Variants in PDE4D observed in about 807,000 individuals in gnomAD.
The protein encoded by PDE4D is phosphodiesterase 4D.
PDE4D carries 24 observed loss-of-function variants against 87.4 expected under a neutral mutation model. That is an observed-to-expected ratio of 0.27 (90% CI 0.20 to 0.39). PDE4D has a LOEUF of 0.39. PDE4D is among the 10% of genes least tolerant of loss of function. The probability of loss-of-function intolerance (pLI) is 1.00; values close to 1 mark genes in which losing one functional copy is unlikely to be tolerated. For missense variants in PDE4D, 714 were observed against 1,041.0 expected (o/e 0.69, Z 4.32); for synonymous variants, 384 against 383.2 (o/e 1.00, Z -0.02).
intron 1 of PDE4D, among the ~76,000 whole-genome samples, chr5:59,808,063 C>G (rs930376362): frequency 6.6e-6 from 1 of 152,158 alleles, no homozygotes; most frequent in Non-Finnish European, 1.5e-5. Context: ...AACAAAGTAG[C>G]GTTGAATAAC....
chr5:59,809,523 T>G (rs1768105718), intron 1 of PDE4D, among the ~76,000 whole-genome samples: 1 of 152,194 alleles, frequency 6.6e-6, no homozygotes, highest in African/African-American at 2.4e-5. Context: ...GTACCAAATT[T>G]ACCCTGGGTA....
At chr5:60,469,371 G>A (rs1371103306) in intron 1 of PDE4D, among the ~76,000 whole-genome samples, 4 of 151,962 alleles carry the variant, frequency 2.6e-5, no homozygotes, top group African/African-American at 7.2e-5. Context: ...TACCCCATAG[G>A]CAACATTCTC....
chr5:60,306,188 C>T (rs368678732), intron 1 of PDE4D, among the ~76,000 whole-genome samples: 8 of 151,832 alleles, frequency 5.3e-5, no homozygotes, highest in African/African-American at 1.2e-4. Flanking sequence ...AAAATAAAAA[C>T]GCAAAGGTAA....
At chr5:59,205,680 A>ACC (rs1748612290) in intron 2 of PDE4D, among the ~76,000 whole-genome samples, 1 of 151,420 alleles carries the variant, frequency 6.6e-6, no homozygotes, top group Non-Finnish European at 1.5e-5. Flanking sequence ...ACACACACAC[A>ACC]CACACACACA....
At chr5:59,220,495 T>G (rs1403357965) in intron 1 of PDE4D, among the ~76,000 whole-genome samples, 4 of 151,690 alleles carry the variant, frequency 2.6e-5, no homozygotes, top group African/African-American at 9.7e-5. Context: ...ATTAAATACT[T>G]CAAATATTAG....
At chr5:59,932,657 A>T (rs900310631) in intron 3 of PDE4D, among the ~76,000 whole-genome samples, 15 of 152,268 alleles carry the variant, frequency 9.9e-5, no homozygotes, top group Middle Eastern at 6.8e-3. Context: ...GTGATAAATG[A>T]TTTTATTTCT....
intron 1 of PDE4D, among the ~76,000 whole-genome samples, chr5:59,551,198 C>A (rs75336926): frequency 0.012 from 1,725 of 149,590 alleles, 31 homozygotes; most frequent in African/African-American, 0.039. Context: ...AATATCCTCC[C>A]TATGTTGAAA....
In PDE4D at chr5:59,433,554, A is replaced by G. The variant is rs183673695; in HGVS notation, c.456-217586T>C. On this transcript the variant is annotated intron_variant, in intron 1 of 14. Coordinates refer to ENST00000340635, the MANE Select transcript of PDE4D (RefSeq NM_001104631.2). ...TTGGGGACTTGATCTTTAGGAAAAT[A>G]AGAACACATTGGAGAGTTTAATTTC... Among the ~76,000 whole-genome samples, 267 of 152,192 alleles carry G rather than the reference A, an allele frequency of 1.8e-3. 1 individual carries two copies. The highest frequency in any genetic ancestry group is 4.9e-3 in the African/African-American group (202 of 41,548).
chr5:59,345,557 A>C (rs1779481241), intron 1 of PDE4D, among the ~76,000 whole-genome samples: 2 of 152,216 alleles, frequency 1.3e-5, no homozygotes, highest in African/African-American at 4.8e-5. Flanking sequence ...GAGGAGAAAC[A>C]GACAGAGTGT....
Position 59,013,626 on chromosome 5 carries a change from C to T in PDE4D, c.922-20161G>A, listed in dbSNP as rs7717793. On this transcript the variant is annotated intron_variant, in intron 6 of 14. Coordinates refer to ENST00000340635, the MANE Select transcript of PDE4D (RefSeq NM_001104631.2). ...GTTGAATCCCTGAATAGACCAATAACAGGTTCTGAAATTAAGGCAATAATT... is the reference window on the plus strand; with the variant it reads ...GTTGAATCCCTGAATAGACCAATAATAGGTTCTGAAATTAAGGCAATAATT... Among the ~76,000 whole-genome samples, 1,242 of 152,252 alleles carry T rather than the reference C, an allele frequency of 8.2e-3. 18 individuals are homozygous for T. Among genetic ancestry groups the T allele is most frequent in the African/African-American group, 0.029 (1,186 of 41,524 alleles).
At chr5:59,248,427 A>T (rs1328913682) in intron 1 of PDE4D, among the ~76,000 whole-genome samples, 3 of 151,746 alleles carry the variant, frequency 2.0e-5, no homozygotes, top group Non-Finnish European at 4.4e-5. Flanking sequence ...ACCCAGTCCC[A>T]TCAGCCTCTG....
chr5:59,024,891 A>G (rs1755918953), intron 6 of PDE4D, among the ~76,000 whole-genome samples: 2 of 152,206 alleles, frequency 1.3e-5, no homozygotes, highest in African/African-American at 4.8e-5. Flanking sequence ...TTATCACAGC[A>G]TACTGTTGAA....
chr5:59,505,705 T>A lies in PDE4D; in HGVS notation c.456-289737A>T, dbSNP rs185247170. ...GATAGAATTTCAACTCAGACTTACC[T>A]CATATTCAATGTCTATATTCTAATG... On this transcript the variant is annotated intron_variant, in intron 1 of 14. Transcript: ENST00000340635. Among the ~76,000 whole-genome samples, 174 of 152,316 alleles carry A rather than the reference T, an allele frequency of 1.1e-3. 2 individuals carry two copies. The highest frequency in any genetic ancestry group is 4.0e-3 in the African/African-American group (167 of 41,588).
rs536242006 is a variant in PDE4D, at chr5:59,522,686, AT to A, written c.456-306719del. On this transcript the variant is annotated intron_variant, in intron 1 of 14. Transcript: ENST00000340635. ...AGAATCTTGAGGAGTAAAATTGCCT[AT>A]GCCATTTCACATGAATGATATACAG... Among the ~76,000 whole-genome samples the A allele has an allele frequency of 1.5e-3, 223 of 152,332 alleles. 2 individuals are homozygous for A. Among genetic ancestry groups the A allele is most frequent in the African/African-American group, 5.1e-3 (211 of 41,582 alleles).
chr5:60,286,482 G>A (rs1172624918), intron 1 of PDE4D, among the ~76,000 whole-genome samples: 1 of 150,298 alleles, frequency 6.7e-6, no homozygotes, highest in Non-Finnish European at 1.5e-5. Context: ...AGAGTAAGAT[G>A]TGTGTCAGAA....
At chr5:59,261,185 G>A (rs906473836) in intron 1 of PDE4D, among the ~76,000 whole-genome samples, 3 of 151,720 alleles carry the variant, frequency 2.0e-5, no homozygotes, top group South Asian at 4.1e-4. Context: ...ATCCTTAAGG[G>A]CAGGCCTTTT....
Position 60,008,922 on chromosome 5 carries a change from G to T in PDE4D, c.43-20205C>A, listed in dbSNP as rs964104574. The stretch of plus-strand genomic sequence containing the variant: ...TCAAGTAATTTTGTATGCTGATTTT[G>T]TTAACAGCCATATTAGTGGTTCCTG... On this transcript the variant is annotated intron_variant, in intron 2 of 16. Coordinates refer to the PDE4D transcript ENST00000502484. Among the ~76,000 whole-genome samples the T allele has an allele frequency of 6.6e-5, 10 of 151,834 alleles. No individual in the cohort carries two copies. The South Asian group carries it at 1.0e-3, about 16-fold the overall frequency.
intron 1 of PDE4D, among the ~76,000 whole-genome samples, chr5:60,423,210 G>A (rs571244254): frequency 6.6e-6 from 1 of 152,324 alleles, no homozygotes; most frequent in South Asian, 2.1e-4. Context: ...GACATCTACA[G>A]AACTCTCCAC....
intron 1 of PDE4D, among the ~76,000 whole-genome samples, chr5:59,663,960 G>C (rs1326705706): frequency 2.0e-5 from 3 of 152,254 alleles, no homozygotes; most frequent in African/African-American, 7.2e-5. Flanking sequence ...GCATTCTGAA[G>C]AGAATGTAGA....
Sources: allele counts gnomAD v4.1 joint callset (sites outside exome capture counted in the v4.1 genomes callset), GRCh38; gene constraint gnomAD v4.1.1; transcripts MANE v1.5; gene names NCBI Gene and HGNC (gene_info 2026-07-23, HGNC 2026-07-21).